Variants in AKAP19 observed in about 807,000 individuals in gnomAD.
AKAP19 encodes the protein A-kinase anchoring protein 19, also known as small A-kinase anchoring protein.
chr2:190,052,635 A>C, the AKAP19 span, among the ~76,000 whole-genome samples: 3 of 152,156 alleles, frequency 2.0e-5, no homozygotes, highest in African/African-American at 7.2e-5. Context: ...CCGCATAATC[A>C]AATTTTGTTC....
At chr2:189,892,548 T>C in the AKAP19 span, among the ~76,000 whole-genome samples, 1 of 152,220 alleles carries the variant, frequency 6.6e-6, no homozygotes, top group African/African-American at 2.4e-5. Flanking sequence ...TTTGCATGGG[T>C]ATCACCAGCA....
At chr2:190,097,857 A>C in the AKAP19 span, among the ~76,000 whole-genome samples, 1 of 87,900 alleles carries the variant, frequency 1.1e-5, no homozygotes, top group Non-Finnish European at 2.2e-5. Flanking sequence ...GCTGGTTTCT[A>C]CCAAAAAAAA....
chr2:190,040,330 T>G, the AKAP19 span, among the ~76,000 whole-genome samples: 5 of 152,352 alleles, frequency 3.3e-5, no homozygotes, highest in African/African-American at 1.2e-4. Flanking sequence ...TTTGGAGAAG[T>G]ATCTGTTCAT....
chr2:190,114,049 C>T, the AKAP19 span, among the ~76,000 whole-genome samples: 1 of 152,142 alleles, frequency 6.6e-6, no homozygotes, highest in Non-Finnish European at 1.5e-5. Context: ...GTTGGTTACT[C>T]TTAGGTTACT....
At chr2:189,888,462 T>C in the AKAP19 span, among the ~76,000 whole-genome samples, 2 of 152,214 alleles carry the variant, frequency 1.3e-5, no homozygotes, top group Non-Finnish European at 2.9e-5. Context: ...AAGTAGTTTT[T>C]TGTAAATCTG....
chr2:190,088,818 A>G, the AKAP19 span, among the ~76,000 whole-genome samples: 1 of 152,158 alleles, frequency 6.6e-6, no homozygotes, highest in African/African-American at 2.4e-5. Context: ...AATTGAGGAG[A>G]CATCTTTACA....
the AKAP19 span, chr2:190,060,183 T>A: frequency 6.2e-7 from 1 of 1,613,116 alleles, no homozygotes; most frequent in Non-Finnish European, 8.5e-7. Context: ...CAACACTGTC[T>A]TCACATCAAT....
chr2:189,979,932 G>A, the AKAP19 span, among the ~76,000 whole-genome samples: 573 of 152,264 alleles, frequency 3.8e-3, 4 homozygotes, highest in African/African-American at 0.013. Context: ...GATTTGGCAA[G>A]TATGCAGTGA....
At chr2:189,980,424 C>T in the AKAP19 span, among the ~76,000 whole-genome samples, 5,242 of 152,170 alleles carry the variant, frequency 0.034, 288 homozygotes, top group African/African-American at 0.12. Flanking sequence ...CTGCAACCTT[C>T]GCCTCCAAGG....
the AKAP19 span, among the ~76,000 whole-genome samples, chr2:189,899,595 A>AT: frequency 6.6e-6 from 1 of 151,868 alleles, no homozygotes; most frequent in African/African-American, 2.4e-5. Flanking sequence ...AATAAATTTG[A>AT]TTTTTTTTCC....
the AKAP19 span, chr2:190,079,132 G>C: frequency 1.3e-5 from 2 of 152,026 alleles, no homozygotes; most frequent in Admixed American, 1.3e-4. Context: ...CCCCTTTTGG[G>C]TAGTTAATAG....
At chr2:190,092,091 T>C in the AKAP19 span, among the ~76,000 whole-genome samples, 3 of 152,218 alleles carry the variant, frequency 2.0e-5, no homozygotes, top group Non-Finnish European at 4.4e-5. Context: ...ATTAATATTC[T>C]ACAGTAGGAC....
the AKAP19 span, among the ~76,000 whole-genome samples, chr2:190,144,137 A>G: frequency 1.3e-5 from 2 of 151,300 alleles, no homozygotes. Flanking sequence ...TAACCTGCAC[A>G]ATGTGCACAT....
the AKAP19 span, among the ~76,000 whole-genome samples, chr2:189,895,482 C>G: frequency 6.6e-6 from 1 of 152,146 alleles, no homozygotes; most frequent in Non-Finnish European, 1.5e-5. Context: ...CTAGTCTCTT[C>G]TAGTACTACT....
chr2:190,164,299 C>A, the AKAP19 span, among the ~76,000 whole-genome samples: 6 of 152,258 alleles, frequency 3.9e-5, no homozygotes, highest in East Asian at 1.2e-3. Context: ...CTTTGAGAAG[C>A]TGAGGTGGGC....
At chr2:189,995,415 C>T in the AKAP19 span, among the ~76,000 whole-genome samples, 1 of 152,190 alleles carries the variant, frequency 6.6e-6, no homozygotes, top group Admixed American at 6.5e-5. Context: ...TCTGTTTTGT[C>T]TGATTTAAGA....
chr2:190,060,656 A>G, the AKAP19 span, among the ~76,000 whole-genome samples: 1 of 152,062 alleles, frequency 6.6e-6, no homozygotes, highest in African/African-American at 2.4e-5. Context: ...TCAGCTGTTC[A>G]TCAGGAATCT....
At chr2:190,052,056 G>A in the AKAP19 span, among the ~76,000 whole-genome samples, 187 of 152,046 alleles carry the variant, frequency 1.2e-3, no homozygotes, top group African/African-American at 4.3e-3. Flanking sequence ...AGTCAGGATG[G>A]TCTTGATCTC....
the AKAP19 span, among the ~76,000 whole-genome samples, chr2:190,198,004 G>T: frequency 1.2e-4 from 18 of 152,148 alleles, no homozygotes; most frequent in African/African-American, 4.3e-4. Flanking sequence ...ATAACATGCT[G>T]ATGATTAACA....
Sources: allele counts gnomAD v4.1 joint callset (sites outside exome capture counted in the v4.1 genomes callset), GRCh38; gene constraint gnomAD v4.1.1; transcripts MANE v1.5; gene names NCBI Gene and HGNC (gene_info 2026-07-23, HGNC 2026-07-21).